Variants in IFT74 observed in about 807,000 individuals in gnomAD.
IFT74 encodes intraflagellar transport protein 74 homolog.
Under a neutral mutation model 96.7 loss-of-function variants are expected in IFT74, and 92 were observed. The ratio of observed to expected loss-of-function variants is 0.95; its 90% CI spans 0.80 to 1.13. The LOEUF (loss-of-function observed/expected upper bound fraction) is 1.13. IFT74 is among the 50% of genes most tolerant of loss of function. The probability of loss-of-function intolerance (pLI) is 0.00; values close to 1 mark genes in which losing one functional copy is unlikely to be tolerated. For missense variants in IFT74, 811 were observed against 698.2 expected (o/e 1.16, Z -1.82); for synonymous variants, 223 against 213.2 (o/e 1.05, Z -0.40).
upstream of IFT74, chr9:26,955,941 G>A (rs1486474838): frequency 6.6e-6 from 1 of 152,126 alleles, no homozygotes; most frequent in East Asian, 1.9e-4. Flanking sequence ...AAAGCTTCTG[G>A]TGAAAGCAGG....
intron 18 of IFT74, among the ~76,000 whole-genome samples, 195 bp from the exon 19 acceptor site, chr9:27,060,394 CAT>C (rs1820359775): frequency 1.3e-5 from 2 of 151,468 alleles, no homozygotes; most frequent in South Asian, 2.1e-4. Context: ...TAGAGTAAAA[CAT>C]GTTATAGGAT....
chr9:27,028,710 C>T lies in IFT74; in HGVS notation c.975-315C>T, dbSNP rs184390668. The T allele has an allele frequency of 2.0e-3, 359 of 177,996 alleles. 2 individuals carry two copies. The highest frequency in any genetic ancestry group is 8.0e-3 in the African/African-American group (335 of 41,768). 11.0% of individuals were successfully genotyped at this position (177,996 alleles called of 1,614,324 possible). Reference sequence around the variant, plus strand: ...GGCAGAGATTGCAGTGAGCCGAGATCGCACCACTGAACTTCAGCCTGGTGG... The same window carrying T: ...GGCAGAGATTGCAGTGAGCCGAGATTGCACCACTGAACTTCAGCCTGGTGG... On this transcript the variant is annotated intron_variant, in intron 12 of 19. Transcript: ENST00000380062.
At chr9:26,963,604 A>G (rs1333605907) in intron 2 of IFT74, among the ~76,000 whole-genome samples, 1 of 151,020 alleles carries the variant, frequency 6.6e-6, no homozygotes, top group Non-Finnish European at 1.5e-5. Context: ...ATTTCTCCAC[A>G]TCCTCTCCAG....
At chr9:26,955,676 C>A (rs960975582), upstream of IFT74, 1 of 151,986 alleles carries the variant, frequency 6.6e-6, no homozygotes, top group Non-Finnish European at 1.5e-5. Context: ...ATTTTTAACT[C>A]CTCGAAGGCA....
Position 27,055,635 on chromosome 9 carries a change from CAGAAAATGGAGCTTCT to C in IFT74, c.1366_1381del (p.Met456ValfsTer3), listed in dbSNP as rs764820836. 4 of 1,579,730 alleles carry C rather than the reference CAGAAAATGGAGCTTCT, an allele frequency of 2.5e-6. No individual in the cohort carries two copies. The highest frequency in any genetic ancestry group is 3.4e-6 in the Non-Finnish European group (4 of 1,168,158). Reference sequence around the variant, plus strand: ...CATTCAACGTCTGCAGTTGGATCTGCAGAAAATGGAGCTTCTAGAAAGTAAGATGACTGAAGAACAG... The same window carrying C: ...CATTCAACGTCTGCAGTTGGATCTGCAGAAAGTAAGATGACTGAAGAACAG... On this transcript the variant is annotated frameshift_variant, in exon 17 of 20. Coordinates refer to ENST00000380062, the MANE Select transcript of IFT74 (RefSeq NM_025103.4). LOFTEE classifies it high-confidence loss of function.
At chr9:26,990,057 C>T (rs759587203) in intron 7 of IFT74, 77 bp from the exon 8 acceptor site, 5 of 755,202 alleles carry the variant, frequency 6.6e-6, no homozygotes, top group Non-Finnish European at 1.0e-5. Flanking sequence ...CATTTAGTTC[C>T]TAGCCAAAAT....
intron 18 of IFT74, among the ~76,000 whole-genome samples, chr9:27,056,702 G>A (rs896075233): frequency 2.0e-5 from 3 of 151,614 alleles, no homozygotes; most frequent in South Asian, 2.1e-4. Context: ...AGATATATGG[G>A]GTAGTATATT....
chr9:27,022,199 T>G (rs1230342077), intron 12 of IFT74, among the ~76,000 whole-genome samples: 1 of 152,202 alleles, frequency 6.6e-6, no homozygotes, highest in African/African-American at 2.4e-5. Flanking sequence ...GTACATGTTT[T>G]TATGCCAATA....
upstream of IFT74, chr9:26,955,821 G>C (rs1428992483): frequency 6.8e-6 from 1 of 147,334 alleles, no homozygotes; most frequent in Non-Finnish European, 1.5e-5. Context: ...GATTTAAGGT[G>C]AAGTAGTTCT....
intron 8 of IFT74, among the ~76,000 whole-genome samples, chr9:27,006,086 C>G (rs1025615114): frequency 6.6e-6 from 1 of 151,998 alleles, no homozygotes; most frequent in African/African-American, 2.4e-5. Context: ...TCAGGTGATA[C>G]CCCTGCCTCA....
At chr9:26,989,296 G>C (rs1006916504) in intron 7 of IFT74, among the ~76,000 whole-genome samples, 1 of 152,076 alleles carries the variant, frequency 6.6e-6, no homozygotes, top group Non-Finnish European at 1.5e-5. Context: ...TTCACTAGAA[G>C]CCCAAACCTT....
At chr9:26,984,207 A>G in intron 4 of IFT74, 50 bp from the exon 5 acceptor site, 1 of 1,444,846 alleles carries the variant, frequency 6.9e-7, no homozygotes, top group Non-Finnish European at 9.3e-7. Flanking sequence ...GCTTAACTAG[A>G]GTTTTCTGGA....
Position 27,011,980 on chromosome 9 carries a change from A to G in IFT74, c.789+12A>G, listed in dbSNP as rs770970117. The stretch of plus-strand genomic sequence containing the variant: ...AGAGCCTGGAAGCAGTAAGTATAAA[A>G]TCAAATAAGGGTTCTCATACTACTC... On this transcript the variant is annotated intron_variant, in intron 10 of 19. Coordinates refer to ENST00000380062, the MANE Select transcript of IFT74 (RefSeq NM_025103.4). 1.9e-6 allele frequency: 3 copies of G among 1,557,984 alleles called. No individual in the cohort carries two copies. The African/African-American group carries it at 4.1e-5, about 22-fold the overall frequency.
upstream of IFT74, among the ~76,000 whole-genome samples, chr9:26,953,681 T>G (rs1308178313): frequency 6.6e-6 from 1 of 151,886 alleles, no homozygotes; most frequent in African/African-American, 2.4e-5. Flanking sequence ...TCATTTTTGT[T>G]TTCATTTTTT....
At chr9:26,978,427 A>G (rs1293113959) in intron 3 of IFT74, among the ~76,000 whole-genome samples, 164 bp downstream of exon 3, 1 of 152,216 alleles carries the variant, frequency 6.6e-6, no homozygotes, top group Admixed American at 6.5e-5. Context: ...ATTACATGTA[A>G]TTATGGCATG....
chr9:27,062,758 CTA>C lies in IFT74; in HGVS notation c.*23_*24del. ...CTGAGTTTAAGTCCACTGAAAGTCT[CTA>C]AGGAAGTATCCTCTTGCTGCTAAAC... is the stretch of plus-strand genomic sequence containing the variant. On this transcript the variant is annotated 3_prime_UTR_variant, in exon 20 of 20. Coordinates refer to ENST00000380062, the MANE Select transcript of IFT74 (RefSeq NM_025103.4). 1 of 1,229,334 alleles carries C rather than the reference CTA, an allele frequency of 8.1e-7. No individual in the cohort carries two copies. Among genetic ancestry groups the C allele is most frequent in the Non-Finnish European group, 1.2e-6 (1 of 847,332 alleles). 76.2% of individuals were successfully genotyped at this position (1,229,334 alleles called of 1,614,324 possible).
At chr9:27,010,449 C>G (rs1828999419) in intron 9 of IFT74, among the ~76,000 whole-genome samples, 1 of 151,630 alleles carries the variant, frequency 6.6e-6, no homozygotes, top group African/African-American at 2.4e-5. Flanking sequence ...CCTTCTCAGC[C>G]TCTGGTAACC....
chr9:26,997,993 A>G (rs1265262446), intron 8 of IFT74: 10 of 1,613,860 alleles, frequency 6.2e-6, no homozygotes, highest in South Asian at 1.1e-5. Context: ...GTTGAATTAC[A>G]TAGATGGAGT....
At chr9:27,053,938 C>T (rs984202100) in intron 16 of IFT74, among the ~76,000 whole-genome samples, 1 of 152,122 alleles carries the variant, frequency 6.6e-6, no homozygotes, top group African/African-American at 2.4e-5. Context: ...TCCAACAAAA[C>T]AAAACTCTTT....
Sources: allele counts gnomAD v4.1 joint callset (sites outside exome capture counted in the v4.1 genomes callset), GRCh38; gene constraint gnomAD v4.1.1; transcripts MANE v1.5; gene names NCBI Gene and HGNC (gene_info 2026-07-23, HGNC 2026-07-21).